MGAT4C: variants seen among roughly 807,000 people sequenced by gnomAD.
MGAT4C encodes MGAT4 family member C, also known as alpha-1,3-mannosyl-glycoprotein 4-beta-N-acetylglucosaminyltransferase C.
MGAT4C carries 19 observed loss-of-function variants against 40.1 expected under a neutral mutation model. That is an observed-to-expected ratio of 0.47 (90% confidence interval 0.33 to 0.70). The LOEUF is 0.70. Ranked by LOEUF, MGAT4C falls within the 30% of genes least tolerant of loss-of-function variation. The pLI, the probability that MGAT4C is intolerant of heterozygous loss-of-function variation, is 0.02. For missense variants in MGAT4C, 491 were observed against 563.2 expected (o/e 0.87, Z 1.30); for synonymous variants, 181 against 187.1 (o/e 0.97, Z 0.27).
chr12:86,569,842 T>C (rs1445615885), intron 2 of MGAT4C, among the ~76,000 whole-genome samples: 2 of 152,132 alleles, frequency 1.3e-5, no homozygotes, highest in African/African-American at 2.4e-5. Context: ...ACATACACAA[T>C]GGAATACTAT....
At chr12:86,185,567 C>A (rs1462699226) in intron 1 of MGAT4C, among the ~76,000 whole-genome samples, 1 of 152,098 alleles carries the variant, frequency 6.6e-6, no homozygotes, top group East Asian at 1.9e-4. Flanking sequence ...TAGTTTCAAA[C>A]ATGATCTAAT....
At chr12:86,161,489 A>G (rs909253794) in intron 1 of MGAT4C, among the ~76,000 whole-genome samples, 3 of 152,142 alleles carry the variant, frequency 2.0e-5, no homozygotes, top group African/African-American at 4.8e-5. Context: ...ACCTTTCACC[A>G]TATACAAAAA....
intron 4 of MGAT4C, among the ~76,000 whole-genome samples, chr12:86,312,878 GC>G: frequency 6.6e-6 from 1 of 152,080 alleles, no homozygotes; most frequent in East Asian, 1.9e-4. Context: ...CCCTGCAGTA[GC>G]AAGCTTAATT....
At chr12:86,212,674 G>T (rs1220101902) in intron 1 of MGAT4C, among the ~76,000 whole-genome samples, 1 of 148,714 alleles carries the variant, frequency 6.7e-6, no homozygotes, top group South Asian at 2.1e-4. Context: ...GGATCACGAG[G>T]TCAGGAGATC....
At chr12:86,807,976 T>C (rs1952393113) in intron 1 of MGAT4C, among the ~76,000 whole-genome samples, 1 of 147,556 alleles carries the variant, frequency 6.8e-6, no homozygotes, top group Non-Finnish European at 1.5e-5. Flanking sequence ...AATGGTTTTT[T>C]TTTCTTATAA....
intron 2 of MGAT4C, among the ~76,000 whole-genome samples, chr12:86,477,494 A>T (rs1422942640): frequency 1.3e-5 from 2 of 152,088 alleles, no homozygotes; most frequent in Non-Finnish European, 2.9e-5. Flanking sequence ...CCTCAGCATC[A>T]TGCAATACAC....
At chr12:86,547,547 T>C (rs1332196723) in intron 2 of MGAT4C, among the ~76,000 whole-genome samples, 1 of 152,112 alleles carries the variant, frequency 6.6e-6, no homozygotes, top group Non-Finnish European at 1.5e-5. Flanking sequence ...AAGAGAAATT[T>C]TGGTTAACAC....
intron 1 of MGAT4C, among the ~76,000 whole-genome samples, chr12:86,152,260 C>T (rs550662259): frequency 2.0e-5 from 3 of 152,306 alleles, no homozygotes; most frequent in African/African-American, 7.2e-5. Context: ...AAATTTACTT[C>T]TCACAATTCT....
intron 4 of MGAT4C, among the ~76,000 whole-genome samples, chr12:86,266,970 TCTC>T (rs1020890579): frequency 3.9e-5 from 6 of 152,156 alleles, no homozygotes; most frequent in African/African-American, 1.4e-4. Flanking sequence ...ATATTTCATA[TCTC>T]CTTTTTCACT....
At chr12:86,410,141 C>T (rs965653250) in intron 3 of MGAT4C, among the ~76,000 whole-genome samples, 3 of 152,074 alleles carry the variant, frequency 2.0e-5, no homozygotes, top group African/African-American at 4.8e-5. Context: ...GGACTATGTT[C>T]GGCTGTGCAC....
intron 4 of MGAT4C, among the ~76,000 whole-genome samples, chr12:86,307,930 C>T (rs1953980343): frequency 6.6e-6 from 1 of 150,490 alleles, no homozygotes; most frequent in Admixed American, 6.6e-5. Context: ...GTCTCGATTT[C>T]CTGACCTCGT....
chr12:86,362,866 C>CA (rs55701637), intron 3 of MGAT4C, among the ~76,000 whole-genome samples: 83,260 of 104,616 alleles, frequency 0.8, 33,615 homozygotes, highest in South Asian at 0.83. Flanking sequence ...GACTCCATCT[C>CA]AAAAAAAAAA....
At chr12:86,681,270 T>G (rs963569699) in intron 2 of MGAT4C, among the ~76,000 whole-genome samples, 2 of 151,928 alleles carry the variant, frequency 1.3e-5, no homozygotes, top group Admixed American at 1.3e-4. Flanking sequence ...AGGTGATTTT[T>G]AAAAATACAC....
intron 2 of MGAT4C, among the ~76,000 whole-genome samples, chr12:86,641,059 C>CG (rs1963367036): frequency 6.6e-6 from 1 of 151,404 alleles, no homozygotes; most frequent in Non-Finnish European, 1.5e-5. Flanking sequence ...TGGTGTGGTG[C>CG]GGAAAAAAAT....
intron 3 of MGAT4C, among the ~76,000 whole-genome samples, chr12:86,357,030 G>T (rs1955330426): frequency 6.6e-6 from 1 of 152,296 alleles, no homozygotes; most frequent in South Asian, 2.1e-4. Context: ...CTCCTCAAGT[G>T]TGTCCCTGAC....
At position 85,969,924 on chromosome 12, in the gene MGAT4C, C is replaced by T. The variant is rs1404038419; in HGVS notation, c.*9365G>A. 2 of 151,390 alleles carry T rather than the reference C, an allele frequency of 1.3e-5. No individual in the cohort carries two copies. Among genetic ancestry groups the T allele is most frequent in the Admixed American group, 1.3e-4 (2 of 15,156 alleles). The allele number at this position is 151,390 out of a possible 1,614,324, so 9.4% of individuals were successfully genotyped here. A position where few individuals can be genotyped will look rare whatever the true frequency, so the allele number is the denominator to read the frequency against. ...GTGAAATGCACATGAAATCTTCACA[C>T]AGTGTCTCATAGTTGCTTGGAACAT... On this transcript the variant is annotated 3_prime_UTR_variant, in exon 5 of 5. Coordinates refer to ENST00000611864, the MANE Select transcript of MGAT4C (RefSeq NM_001351288.2).
chr12:86,213,111 G>C (rs1045966420), intron 1 of MGAT4C, among the ~76,000 whole-genome samples: 7 of 152,054 alleles, frequency 4.6e-5, no homozygotes, highest in African/African-American at 1.7e-4. Context: ...TGGAACATTA[G>C]CTTTGTCTGC....
rs370982918 is a variant in MGAT4C, at chr12:86,641,138, G to C, written c.-229+86071C>G. ...CCAACCCAAATGTCCAACAATGATAGACTGGATTAAGAAAATGTGGCACTT... is the reference window on the plus strand; with the variant it reads ...CCAACCCAAATGTCCAACAATGATACACTGGATTAAGAAAATGTGGCACTT... On this transcript the variant is annotated intron_variant, in intron 2 of 7. Coordinates refer to the MGAT4C transcript ENST00000548651. 2.2e-4 allele frequency among the ~76,000 whole-genome samples: 34 copies of C among 151,952 alleles called. No homozygotes were observed. The East Asian group carries it at 6.2e-3, about 28-fold the overall frequency.
At chr12:86,461,238 T>TC (rs1438458460) in intron 2 of MGAT4C, among the ~76,000 whole-genome samples, 3 of 141,126 alleles carry the variant, frequency 2.1e-5, no homozygotes, top group African/African-American at 5.4e-5. Flanking sequence ...CACATCTTCT[T>TC]TTTTTTTTTT....
Sources: allele counts gnomAD v4.1 joint callset (sites outside exome capture counted in the v4.1 genomes callset), GRCh38; gene constraint gnomAD v4.1.1; transcripts MANE v1.5; gene names NCBI Gene and HGNC (gene_info 2026-07-23, HGNC 2026-07-21).